The following NSG2 variants were observed in gnomAD, a reference collection of about 807,000 sequenced individuals.
NSG2 encodes neuronal vesicle trafficking-associated protein 2.
Under a neutral mutation model 16.9 loss-of-function variants are expected in NSG2, and 4 were observed. The ratio of observed to expected loss-of-function variants is 0.24; its 90% confidence interval spans 0.12 to 0.54. The LOEUF (loss-of-function observed/expected upper bound fraction) is 0.54. NSG2 is among the 20% of genes least tolerant of loss of function. The probability of loss-of-function intolerance (pLI) is 0.95; values close to 1 mark genes in which losing one functional copy is unlikely to be tolerated. For synonymous variants in NSG2, 98 were observed against 88.7 expected, an observed-to-expected ratio of 1.11 and a Z score of -0.59; for missense variants, 179 against 221.1, an observed-to-expected ratio of 0.81 and a Z score of 1.21.
chr5:174,065,054 C>G (rs1168797075), intron 3 of NSG2, among the ~76,000 whole-genome samples: 5 of 152,148 alleles, frequency 3.3e-5, no homozygotes, highest in African/African-American at 1.2e-4. Flanking sequence ...GAGGGCCGGG[C>G]ACGGCGGCTC....
chr5:174,047,255 G>A (rs1456705107), intron 2 of NSG2, among the ~76,000 whole-genome samples: 1 of 152,118 alleles, frequency 6.6e-6, no homozygotes, highest in Non-Finnish European at 1.5e-5. Context: ...CAGAGGATTG[G>A]ATTCACTCAA....
chr5:174,052,534 G>A (rs992946011), intron 2 of NSG2, among the ~76,000 whole-genome samples: 1 of 152,220 alleles, frequency 6.6e-6, no homozygotes, highest in Non-Finnish European at 1.5e-5. Flanking sequence ...TGAGGAAATA[G>A]ACTCAAATCT....
intron 3 of NSG2, among the ~76,000 whole-genome samples, chr5:174,070,034 T>A (rs1581224617): frequency 6.6e-6 from 1 of 151,970 alleles, no homozygotes; most frequent in East Asian, 1.9e-4. Context: ...CAAGCCACCA[T>A]GCTCGGCTAA....
intron 3 of NSG2, among the ~76,000 whole-genome samples, chr5:174,066,786 C>T (rs916742109): frequency 1.3e-5 from 2 of 151,640 alleles, no homozygotes; most frequent in African/African-American, 2.4e-5. Context: ...GTCAGGAGAT[C>T]GAGACCGTCC....
chr5:174,070,328 G>A (rs1185504738), intron 3 of NSG2, among the ~76,000 whole-genome samples: 1 of 152,124 alleles, frequency 6.6e-6, no homozygotes, highest in East Asian at 1.9e-4. Context: ...CCATTTTACA[G>A]GTGAGGAAAC....
chr5:174,104,234 A>G lies in NSG2; in HGVS notation c.220A>G (p.Ile74Val), dbSNP rs1338843471. Residue 74 changes from isoleucine to valine, a missense_variant, in exon 4 of 5, where the codon ATC becomes GTC. Coordinates refer to ENST00000303177, the MANE Select transcript of NSG2 (RefSeq NM_015980.5). ...VPKIAEFTVTILVSLALAFLA... is the reference protein window; with the variant it reads ...VPKIAEFTVTVLVSLALAFLA... ...TAATTTTGTATTCCTCCAGGTCACCATCCTTGTCAGCCTGGCCCTAGCTTT... is the reference window on the plus strand; with the variant it reads ...TAATTTTGTATTCCTCCAGGTCACCGTCCTTGTCAGCCTGGCCCTAGCTTT... 1.2e-6 allele frequency: 2 copies of G among 1,613,884 alleles called. No homozygotes were observed. Among genetic ancestry groups the G allele is most frequent in the Admixed American group, 3.3e-5 (2 of 60,026 alleles).
intron 3 of NSG2, among the ~76,000 whole-genome samples, chr5:174,090,545 C>G (rs1033291289): frequency 6.6e-6 from 1 of 152,218 alleles, no homozygotes; most frequent in Non-Finnish European, 1.5e-5. Context: ...TGGGAACATT[C>G]TTAAAATCCA....
At position 174,079,331 on chromosome 5, in the gene NSG2, C is replaced by G. The variant is rs185964349; in HGVS notation, c.213+15016C>G. Among the ~76,000 whole-genome samples the G allele has an allele frequency of 1.3e-3, 203 of 151,958 alleles. 1 individual carries two copies. The highest frequency in any genetic ancestry group is 4.4e-3 in the African/African-American group (183 of 41,394). ...GGAGTACAGTGGTGCAATCTCAGCT[C>G]ACTGCAACCTCTGCCTCCCGGGCTC... On this transcript the variant is annotated intron_variant, in intron 3 of 4. Coordinates refer to ENST00000303177, the MANE Select transcript of NSG2 (RefSeq NM_015980.5).
At chr5:174,100,723 G>A (rs867739495) in intron 3 of NSG2, among the ~76,000 whole-genome samples, 4 of 152,198 alleles carry the variant, frequency 2.6e-5, no homozygotes, top group African/African-American at 7.2e-5. Context: ...TTCCTATTTG[G>A]GATTTCTTAA....
At chr5:174,071,117 G>A (rs969965202) in intron 3 of NSG2, among the ~76,000 whole-genome samples, 6 of 152,184 alleles carry the variant, frequency 3.9e-5, no homozygotes, top group Admixed American at 3.9e-4. Context: ...GCAGTGGGAG[G>A]GACACCTTAG....
intron 2 of NSG2, among the ~76,000 whole-genome samples, chr5:174,063,385 T>C (rs1760087258): frequency 6.6e-6 from 1 of 152,142 alleles, no homozygotes; most frequent in South Asian, 2.1e-4. Flanking sequence ...TCTGCAAAAA[T>C]ATTCAGACTT....
chr5:174,049,904 C>G (rs191090093), intron 2 of NSG2, among the ~76,000 whole-genome samples: 1 of 152,352 alleles, frequency 6.6e-6, no homozygotes, highest in East Asian at 1.9e-4. Context: ...CAAAGGTCCT[C>G]TAAATGCTTA....
Position 174,076,168 on chromosome 5 carries a change from G to A in NSG2, c.213+11853G>A, listed in dbSNP as rs73806550. Among the ~76,000 whole-genome samples, 990 of 152,324 alleles carry A rather than the reference G, an allele frequency of 6.5e-3. 15 individuals are homozygous for A. Among genetic ancestry groups the A allele is most frequent in the African/African-American group, 0.022 (903 of 41,560 alleles). On this transcript the variant is annotated intron_variant, in intron 3 of 4. Coordinates refer to ENST00000303177, the MANE Select transcript of NSG2 (RefSeq NM_015980.5). The stretch of plus-strand genomic sequence containing the variant: ...ATGGGGATGCCAGTGCCCACCAATT[G>A]AGAGAGCCATTGTGATGATGGTGCT...
At chr5:174,075,844 T>G (rs983901470) in intron 3 of NSG2, among the ~76,000 whole-genome samples, 3 of 152,244 alleles carry the variant, frequency 2.0e-5, no homozygotes, top group African/African-American at 7.2e-5. Context: ...CAGTAGGTTC[T>G]ATAATTATAA....
chr5:174,054,277 T>TGTTA (rs1454245470), intron 2 of NSG2, among the ~76,000 whole-genome samples: 1 of 152,256 alleles, frequency 6.6e-6, no homozygotes, highest in African/African-American at 2.4e-5. Flanking sequence ...AACTGTTAAA[T>TGTTA]GTTAGGGAAA....
At chr5:174,051,259 T>C (rs116692683) in intron 2 of NSG2, among the ~76,000 whole-genome samples, 2,955 of 152,194 alleles carry the variant, frequency 0.019, 101 homozygotes, top group African/African-American at 0.067. Context: ...GTCCTGCCCC[T>C]GGGTAGAATT....
At chr5:174,105,377 C>CA (rs1199066204) in intron 4 of NSG2, among the ~76,000 whole-genome samples, 11 of 152,226 alleles carry the variant, frequency 7.2e-5, no homozygotes, top group African/African-American at 1.9e-4. Flanking sequence ...TGCTCACAGC[C>CA]AATGACTGTT....
At chr5:174,046,116 C>T (rs976513418) in intron 1 of NSG2, 10 of 149,946 alleles carry the variant, frequency 6.7e-5, no homozygotes, top group East Asian at 1.9e-4. Flanking sequence ...AATGGCCCTT[C>T]GCTATTGAGG....
chr5:174,084,196 A>G (rs1760552403), intron 3 of NSG2: 1 of 152,180 alleles, frequency 6.6e-6, no homozygotes, highest in African/African-American at 2.4e-5. Flanking sequence ...ACTGATCACA[A>G]TATTGTTGTG....
Sources: allele counts gnomAD v4.1 joint callset (sites outside exome capture counted in the v4.1 genomes callset), GRCh38; gene constraint gnomAD v4.1.1; transcripts MANE v1.5; gene names NCBI Gene and HGNC (gene_info 2026-07-23, HGNC 2026-07-21).